RAD18: variants seen among roughly 807,000 people sequenced by gnomAD.
RAD18 encodes RAD18 E3 ubiquitin protein ligase, also known as E3 ubiquitin-protein ligase RAD18.
A neutral mutation model predicts 60.4 loss-of-function variants in RAD18; 47 were observed. The observed-to-expected ratio is 0.78, with a 90% CI of 0.62 to 0.99. RAD18 has a LOEUF of 0.99. Among genes scored for constraint, RAD18 ranks in the 50% least tolerant of loss-of-function variants. The pLI is 0.00. For synonymous variants in RAD18, 225 were observed against 195.5 expected (o/e 1.15, Z -1.26); for missense variants, 640 against 593.3 (o/e 1.08, Z -0.82).
chr3:8,951,155 G>A (rs776896845), intron 2 of RAD18, among the ~76,000 whole-genome samples: 6 of 152,068 alleles, frequency 3.9e-5, no homozygotes, highest in East Asian at 1.9e-4. Context: ...CTGGAAGATC[G>A]GAGAACACTA....
At position 8,935,106 on chromosome 3, in the gene RAD18, T is replaced by C. The variant is rs142752868; in HGVS notation, c.889+765A>G. On this transcript the variant is annotated intron_variant, in intron 7 of 12. Coordinates refer to ENST00000264926, the MANE Select transcript of RAD18 (RefSeq NM_020165.4). ...AGGGCTTTTGGGACGCTGGTAGTGA[T>C]CTCAGTACTGGCTACAATGACATTT... Among the ~76,000 whole-genome samples the C allele has an allele frequency of 1.4e-4, 21 of 152,348 alleles. No homozygotes were observed. In the East Asian group the frequency reaches 4.1e-3, roughly 29 times the overall value.
At position 8,881,310 on chromosome 3, in the gene RAD18, G is replaced by C. The variant is rs369014549; in HGVS notation, c.*47C>G. ...GAAAATCTATCTGTGGCAACCAAAA[G>C]TACGGTATTCTAATCAATGCATTTG... is the stretch of plus-strand genomic sequence containing the variant. On this transcript the variant is annotated 3_prime_UTR_variant, in exon 13 of 13. Transcript: ENST00000264926. The C allele has an allele frequency of 1.4e-6, 2 of 1,444,744 alleles. No homozygotes were observed. The highest frequency in any genetic ancestry group is 1.9e-6 in the Non-Finnish European group (2 of 1,038,250). The allele number at this position is 1,444,744 out of a possible 1,614,324, so 89.5% of individuals were successfully genotyped here.
At chr3:8,953,714 T>C (rs1940962091) in intron 2 of RAD18, among the ~76,000 whole-genome samples, 1 of 152,114 alleles carries the variant, frequency 6.6e-6, no homozygotes, top group African/African-American at 2.4e-5. Flanking sequence ...TATCCAAGCC[T>C]TGGGAGAGGG....
intron 9 of RAD18, among the ~76,000 whole-genome samples, chr3:8,910,473 G>T (rs1278246391): frequency 1.3e-5 from 2 of 151,986 alleles, no homozygotes. Context: ...GGTGGCAGGC[G>T]CCTGTACTCA....
intron 2 of RAD18, among the ~76,000 whole-genome samples, chr3:8,949,277 C>A: frequency 6.6e-6 from 1 of 152,240 alleles, no homozygotes. Context: ...TTACTAGTAG[C>A]CCAAATTCAG....
rs1939410192 is a variant in RAD18 at position 8,878,835 on chromosome 3, A to G, written c.*2522T>C. ...TGAGCTGATGTTGATGGGAGATGTT[A>G]TAACTTTGAGGGGAGTGAGGAGGTA... On this transcript the variant is annotated 3_prime_UTR_variant, in exon 13 of 13. Transcript: ENST00000264926. The G allele has an allele frequency of 6.6e-6, 1 of 152,210 alleles. No individual in the cohort carries two copies. The highest frequency in any genetic ancestry group is 2.4e-5 in the African/African-American group (1 of 41,462). The allele number at this position is 152,210 out of a possible 1,614,324, so 9.4% of individuals were successfully genotyped here.
intron 12 of RAD18, among the ~76,000 whole-genome samples, chr3:8,889,736 A>G (rs1467898651): frequency 6.6e-6 from 1 of 152,198 alleles, no homozygotes; most frequent in Non-Finnish European, 1.5e-5. Flanking sequence ...AAGAGATCCA[A>G]TCATTTAGGA....
intron 9 of RAD18, among the ~76,000 whole-genome samples, chr3:8,902,993 T>C (rs1049880960): frequency 6.7e-6 from 1 of 150,198 alleles, no homozygotes; most frequent in African/African-American, 2.5e-5. Context: ...ACCACTGCAC[T>C]CCAGCCTGGG....
intron 10 of RAD18, 93 bp from the exon 11 acceptor site, chr3:8,899,140 T>G (rs1939856713): frequency 1.0e-6 from 1 of 1,003,898 alleles, no homozygotes; most frequent in Non-Finnish European, 1.4e-6. Context: ...GTGCACTTAG[T>G]AAAGTTGAAG....
At chr3:8,900,895 A>G (rs1432828412) in intron 10 of RAD18, among the ~76,000 whole-genome samples, 2 of 152,230 alleles carry the variant, frequency 1.3e-5, no homozygotes, top group Non-Finnish European at 2.9e-5. Context: ...ATAAATACAT[A>G]CAAGCCATCA....
intron 11 of RAD18, among the ~76,000 whole-genome samples, chr3:8,897,866 G>C (rs1378854855): frequency 6.6e-6 from 1 of 151,918 alleles, no homozygotes; most frequent in Non-Finnish European, 1.5e-5. Flanking sequence ...AGGAGTTTGA[G>C]ACCAGCCTGG....
chr3:8,957,251 A>G (rs1574829363), intron 2 of RAD18, among the ~76,000 whole-genome samples: 1 of 152,208 alleles, frequency 6.6e-6, no homozygotes, highest in East Asian at 1.9e-4. Context: ...AATTCTCCCA[A>G]ATTGATCTCT....
chr3:8,939,678 G>A, intron 5 of RAD18, 25 bp from the exon 6 acceptor site: 19 of 1,583,102 alleles, frequency 1.2e-5, no homozygotes, highest in Non-Finnish European at 1.6e-5. Context: ...AAGAAAAAGA[G>A]AGACTTTATT....
At chr3:8,909,145 G>A (rs1295383407) in intron 9 of RAD18, among the ~76,000 whole-genome samples, 1 of 152,154 alleles carries the variant, frequency 6.6e-6, no homozygotes, top group African/African-American at 2.4e-5. Flanking sequence ...AACAGTGAAG[G>A]ACTTGGTAAA....
chr3:8,910,972 C>T (rs1209183052), intron 9 of RAD18, among the ~76,000 whole-genome samples: 4 of 152,082 alleles, frequency 2.6e-5, no homozygotes, highest in Non-Finnish European at 1.5e-5. Context: ...AGAGACTGCT[C>T]TTTTATATGA....
At chr3:8,903,549 T>C (rs770337341) in intron 9 of RAD18, among the ~76,000 whole-genome samples, 1 of 152,222 alleles carries the variant, frequency 6.6e-6, no homozygotes, top group East Asian at 1.9e-4. Flanking sequence ...CTTTATTTAC[T>C]ACCATTTTAA....
chr3:8,935,892 C>T lies in RAD18; in HGVS notation c.868G>A (p.Asp290Asn). ...TTACCTGATTTAGGATGCAAAGCAT[C>T]GCATTGGGCATTGTACATGTGTACA... Reference protein sequence around the residue: ...EFVHMYNAQCDALHPKSAAEI... With the variant: ...EFVHMYNAQCNALHPKSAAEI... Residue 290 changes from aspartate (D) to asparagine (N), a missense_variant, in exon 7 of 13, where the codon GAT becomes AAT. Transcript: ENST00000264926. The T allele has an allele frequency of 6.3e-7, 1 of 1,590,282 alleles. No individual in the cohort carries two copies. The highest frequency in any genetic ancestry group is 8.5e-7 in the Non-Finnish European group (1 of 1,171,618).
chr3:8,942,912 G>A (rs1940777956), intron 4 of RAD18, among the ~76,000 whole-genome samples: 1 of 152,216 alleles, frequency 6.6e-6, no homozygotes, highest in African/African-American at 2.4e-5. Flanking sequence ...TGGAAAGTTA[G>A]TTGTTCGCAT....
intron 7 of RAD18, among the ~76,000 whole-genome samples, chr3:8,915,169 A>G (rs11914900): frequency 7.2e-6 from 1 of 139,054 alleles, no homozygotes; most frequent in Admixed American, 7.3e-5. Flanking sequence ...AAAAAAGAAA[A>G]CTATATTAGG....
Sources: allele counts gnomAD v4.1 joint callset (sites outside exome capture counted in the v4.1 genomes callset), GRCh38; gene constraint gnomAD v4.1.1; transcripts MANE v1.5; gene names NCBI Gene and HGNC (gene_info 2026-07-23, HGNC 2026-07-21).